ALK: variants seen among roughly 807,000 people sequenced by gnomAD.
ALK encodes the protein ALK receptor tyrosine kinase.
Under a neutral mutation model 163.1 loss-of-function variants are expected in ALK, and 74 were observed. The observed-to-expected ratio is 0.45, with a 90% CI of 0.38 to 0.55. The LOEUF is 0.55. ALK is among the 20% of genes least tolerant of loss of function. The pLI is 0.00. For missense variants in ALK, 2,063 were observed against 2,105.3 expected (o/e 0.98, Z 0.39); for synonymous variants, 960 against 843.2 (o/e 1.14, Z -2.40).
chr2:29,766,762 T>C (rs1452152246), intron 1 of ALK, among the ~76,000 whole-genome samples: 1 of 152,190 alleles, frequency 6.6e-6, no homozygotes, highest in Non-Finnish European at 1.5e-5. Flanking sequence ...TTATGTACTT[T>C]TCCACCTGCC....
chr2:29,728,779 G>A (rs1039322528), intron 1 of ALK, among the ~76,000 whole-genome samples: 8 of 152,134 alleles, frequency 5.3e-5, no homozygotes, highest in African/African-American at 1.9e-4. Context: ...GAAAAGTGAG[G>A]CATTATAGAG....
chr2:29,920,349 G>C lies in ALK; in HGVS notation c.311C>G (p.Pro104Arg). ...GGCGGTCCAGGAGACCCCCGGCGCC[G>C]GCCCCAGCAACCTGAGCAGCGGGGC... is the stretch of plus-strand genomic sequence containing the variant. Reference protein sequence around the residue: ...DCAPLLRLLGPAPGVSWTAGS... With the variant: ...DCAPLLRLLGRAPGVSWTAGS... Residue 104 changes from proline (P) to arginine (R), a missense_variant, in exon 1 of 29, where the codon CCG becomes CGG. Pro to Arg is a moderately radical substitution (Grantham distance 103). This residue lies in a region of ALK where 987 missense variants were observed against 939.5 expected (regional missense o/e 1.05). Coordinates refer to ENST00000389048, the MANE Select transcript of ALK (RefSeq NM_004304.5). 1.9e-6 allele frequency: 3 copies of C among 1,551,862 alleles called. No homozygotes were observed. The highest frequency in any genetic ancestry group is 1.2e-5 in the South Asian group (1 of 84,810).
In ALK at chr2:29,193,311, G is replaced by A. The variant is rs2148137153; in HGVS notation, c.4776C>T (p.Pro1592=). The A allele has an allele frequency of 6.2e-7, 1 of 1,614,188 alleles. No homozygotes were observed. Among genetic ancestry groups the A allele is most frequent in the South Asian group, 1.1e-5 (1 of 91,080 alleles). ...VNYGYQQQGL[P]LEAATAPGAG... ...CTCCAGGGGCAGTAGCGGCTTCTAA[G>A]GGCAAGCCCTGTTGCTGGTAGCCGT... is the stretch of plus-strand genomic sequence containing the variant. Residue 1592 remains proline, a synonymous_variant, in exon 29 of 29, where the codon CCC becomes CCT. Coordinates refer to ENST00000389048, the MANE Select transcript of ALK (RefSeq NM_004304.5).
At position 29,275,117 on chromosome 2, in the gene ALK, G is replaced by A. The variant is rs1469128263; in HGVS notation, c.2023C>T (p.Pro675Ser). The A allele has an allele frequency of 1.2e-6, 2 of 1,614,004 alleles. No individual in the cohort carries two copies. Among genetic ancestry groups the A allele is most frequent in the Non-Finnish European group, 1.7e-6 (2 of 1,180,038 alleles). ...CCCTTACCTGTAGGGTCAAAGATGG[G>A]GGTCTGTCTTGGTGAATTTTCCCCG... ...KPGENSPRQT[P>S]IFDPTVHWLF... Residue 675 changes from proline (P) to serine (S), a missense_variant, in exon 11 of 29, where the codon CCC becomes TCC. Pro to Ser is a moderately conservative substitution (Grantham distance 74, BLOSUM62 -1). This residue lies in a region of ALK where 987 missense variants were observed against 939.5 expected (regional missense o/e 1.05). Coordinates refer to ENST00000389048, the MANE Select transcript of ALK (RefSeq NM_004304.5).
At chr2:29,298,375 G>T (rs1032681821) in intron 8 of ALK, among the ~76,000 whole-genome samples, 1 of 152,074 alleles carries the variant, frequency 6.6e-6, no homozygotes, top group Non-Finnish European at 1.5e-5. Flanking sequence ...AGCCATGATT[G>T]GAAATTTCAA....
At chr2:29,913,918 G>A (rs1431203882) in intron 1 of ALK, among the ~76,000 whole-genome samples, 1 of 152,124 alleles carries the variant, frequency 6.6e-6, no homozygotes, top group South Asian at 2.1e-4. Context: ...AAATAAAAGA[G>A]TTACCAGAGG....
chr2:29,587,304 C>T (rs1674915825), intron 3 of ALK, among the ~76,000 whole-genome samples: 1 of 152,210 alleles, frequency 6.6e-6, no homozygotes, highest in South Asian at 2.1e-4. Context: ...TCCTGATCTC[C>T]CATACAAATA....
intron 3 of ALK, among the ~76,000 whole-genome samples, chr2:29,604,339 G>T (rs1675479706): frequency 6.6e-6 from 1 of 152,104 alleles, no homozygotes; most frequent in East Asian, 1.9e-4. Context: ...TGTTACAATG[G>T]CAGAGTCGAG....
intron 4 of ALK, among the ~76,000 whole-genome samples, chr2:29,527,583 C>T (rs1172280295): frequency 6.6e-6 from 1 of 152,168 alleles, no homozygotes; most frequent in East Asian, 1.9e-4. Context: ...TCACAGTTTA[C>T]TGCAGCCTCA....
Position 29,725,173 on chromosome 2 carries a change from A to AAAAAAAG in ALK, c.668-7477_668-7476insCTTTTTT, listed in dbSNP as rs59025753. 2.5e-4 allele frequency among the ~76,000 whole-genome samples: 37 copies of AAAAAAAG among 150,080 alleles called. No individual in the cohort carries two copies. In the South Asian group the frequency reaches 7.5e-3, roughly 30 times the overall value. ...CTATACCAAAAAAAAAAAAAAAAAA[A>AAAAAAAG]GGAATCACAAAGAGGTTGCTCCAGA... On this transcript the variant is annotated intron_variant, in intron 1 of 28. Transcript: ENST00000389048.
At chr2:29,548,424 G>T (rs1673620269) in intron 3 of ALK, among the ~76,000 whole-genome samples, 1 of 151,202 alleles carries the variant, frequency 6.6e-6, no homozygotes. Context: ...AGTGAGCCAA[G>T]ATCATGCCAC....
At chr2:29,617,501 G>T (rs1675880157) in intron 3 of ALK, among the ~76,000 whole-genome samples, 1 of 152,160 alleles carries the variant, frequency 6.6e-6, no homozygotes, top group South Asian at 2.1e-4. Context: ...CTGCATTTCA[G>T]AGCATATAGT....
In ALK at chr2:29,511,831, C is replaced by T. The variant is rs113019280; in HGVS notation, c.1154+20084G>A. ...GTATGGTTAGTCTTTCTAATTTTAG[C>T]TATTGTAATTTTACTAATGACTAGC... On this transcript the variant is annotated intron_variant, in intron 4 of 28. Coordinates refer to ENST00000389048, the MANE Select transcript of ALK (RefSeq NM_004304.5). Among the ~76,000 whole-genome samples, 513 of 152,218 alleles carry T rather than the reference C, an allele frequency of 3.4e-3. 3 individuals carry two copies. The highest frequency in any genetic ancestry group is 3.9e-3 in the Non-Finnish European group (264 of 67,984).
chr2:29,855,546 A>G (rs1439327413), intron 1 of ALK, among the ~76,000 whole-genome samples: 1 of 152,226 alleles, frequency 6.6e-6, no homozygotes, highest in Admixed American at 6.5e-5. Context: ...TAATTGGTCA[A>G]CATTCAAGGA....
At chr2:29,907,582 A>T (rs2148435355) in intron 1 of ALK, among the ~76,000 whole-genome samples, 1 of 152,288 alleles carries the variant, frequency 6.6e-6, no homozygotes, top group East Asian at 1.9e-4. Flanking sequence ...TCTTGTAAGA[A>T]AATTCTTTCT....
intron 2 of ALK, among the ~76,000 whole-genome samples, chr2:29,701,640 G>A (rs1678739546): frequency 6.6e-6 from 1 of 152,148 alleles, no homozygotes; most frequent in South Asian, 2.1e-4. Flanking sequence ...GTGTATAGAA[G>A]AGCCCTGACC....
chr2:29,561,138 C>T (rs939561174), intron 3 of ALK, among the ~76,000 whole-genome samples: 1 of 151,886 alleles, frequency 6.6e-6, no homozygotes, highest in African/African-American at 2.4e-5. Flanking sequence ...TACTTATTTA[C>T]TTTTACTTTT....
At chr2:29,373,113 T>C (rs1243501310) in intron 5 of ALK, among the ~76,000 whole-genome samples, 1 of 152,176 alleles carries the variant, frequency 6.6e-6, no homozygotes, top group Admixed American at 6.5e-5. Flanking sequence ...GCCTAATCCT[T>C]CACATTCAAA....
chr2:29,306,465 A>G (rs1396871209), intron 8 of ALK, among the ~76,000 whole-genome samples: 3 of 152,238 alleles, frequency 2.0e-5, no homozygotes, highest in Non-Finnish European at 4.4e-5. Flanking sequence ...TCTTTGGATC[A>G]GCAATGTGGG....
Sources: allele counts gnomAD v4.1 joint callset (sites outside exome capture counted in the v4.1 genomes callset), GRCh38; gene constraint gnomAD v4.1.1; regional missense constraint gnomAD v4.1.1; transcripts MANE v1.5; gene names NCBI Gene and HGNC (gene_info 2026-07-23, HGNC 2026-07-21).